TNS3: variants seen among roughly 807,000 people sequenced by gnomAD.
The protein encoded by TNS3 is tensin 3, also known as tensin-3.
Under a neutral mutation model 140.9 loss-of-function variants are expected in TNS3, and 45 were observed. That is an observed-to-expected ratio of 0.32 (90% confidence interval 0.25 to 0.41). The LOEUF is 0.41. TNS3 is among the 10% of genes least tolerant of loss of function. TNS3 has a pLI of 1.00. For missense variants in TNS3, 1,716 were observed against 1,906.7 expected (o/e 0.90, Z 1.86); for synonymous variants, 815 against 788.4 (o/e 1.03, Z -0.56).
intron 4 of TNS3, among the ~76,000 whole-genome samples, chr7:47,450,639 C>A (rs1221449648): frequency 6.6e-6 from 1 of 152,230 alleles, no homozygotes; most frequent in African/African-American, 2.4e-5. Flanking sequence ...GGGGCTCTGA[C>A]CACTGGCAGA....
intron 13 of TNS3, among the ~76,000 whole-genome samples, chr7:47,405,232 A>T (rs1224756908): frequency 1.3e-5 from 2 of 152,104 alleles, no homozygotes; most frequent in African/African-American, 4.8e-5. Flanking sequence ...TCATCCCCCA[A>T]TGCCAGCCGT....
intron 10 of TNS3, among the ~76,000 whole-genome samples, chr7:47,418,255 T>C (rs914609478): frequency 2.6e-5 from 4 of 152,122 alleles, no homozygotes; most frequent in Non-Finnish European, 5.9e-5. Flanking sequence ...GAGCCTAGAC[T>C]GCACCACTGC....
At chr7:47,308,178 A>T (rs189402151) in intron 20 of TNS3, among the ~76,000 whole-genome samples, 3 of 152,212 alleles carry the variant, frequency 2.0e-5, no homozygotes, top group Admixed American at 2.0e-4. Flanking sequence ...TGGATATTCA[A>T]TGGTACCACT....
At position 47,424,163 on chromosome 7, in the gene TNS3, C is replaced by A. The variant is rs1373323962; in HGVS notation, c.411G>T (p.Arg137Ser). The change falls in exon 10 of 31, where the codon AGG becomes AGT. Residue 137 changes from arginine to serine, a missense_variant. By Grantham distance (110) the Arg-to-Ser change is moderately radical (BLOSUM62 -1). Around this residue, in one of 3 missense-constraint regions of TNS3, gnomAD observed 337 missense variants for 428.9 expected, o/e 0.79. Coordinates refer to ENST00000311160, the MANE Select transcript of TNS3 (RefSeq NM_022748.12). Reference sequence around the variant, plus strand: ...CATCATAAAACTTCTTCATTGCAAACCTGTCAAGGGCCTGGTCGGCGCTGA... The same window carrying A: ...CATCATAAAACTTCTTCATTGCAAAACTGTCAAGGGCCTGGTCGGCGCTGA... Reference protein sequence around the residue: ...VSASADQALDRFAMKKFYDDK... With the variant: ...VSASADQALDSFAMKKFYDDK... 1.9e-6 allele frequency: 3 copies of A among 1,614,060 alleles called. No homozygotes were observed. The highest frequency in any genetic ancestry group is 1.1e-5 in the South Asian group (1 of 91,086).
At chr7:47,433,521 T>C (rs777927712) in intron 8 of TNS3, among the ~76,000 whole-genome samples, 3 of 152,210 alleles carry the variant, frequency 2.0e-5, no homozygotes, top group Admixed American at 6.5e-5. Context: ...CTAGGACCCA[T>C]ATGTTTTAAA....
At chr7:47,333,225 T>C (rs890282301) in intron 20 of TNS3, among the ~76,000 whole-genome samples, 1 of 152,212 alleles carries the variant, frequency 6.6e-6, no homozygotes, top group African/African-American at 2.4e-5. Context: ...AGCACTGATG[T>C]TTACTTTTAA....
At chr7:47,437,209 T>C in intron 7 of TNS3, 54 bp downstream of exon 7, 1 of 1,266,338 alleles carries the variant, frequency 7.9e-7, no homozygotes, top group Non-Finnish European at 1.1e-6. Context: ...TTGCACAAAA[T>C]AAGCATTGTT....
At chr7:47,289,216 G>C (rs1217436410) in intron 27 of TNS3, among the ~76,000 whole-genome samples, 1 of 152,204 alleles carries the variant, frequency 6.6e-6, no homozygotes, top group East Asian at 1.9e-4. Context: ...CCTTCATTGT[G>C]GAGTTACACC....
chr7:47,401,344 A>G (rs1214137316), intron 13 of TNS3, among the ~76,000 whole-genome samples: 2 of 152,176 alleles, frequency 1.3e-5, no homozygotes, highest in Non-Finnish European at 2.9e-5. Flanking sequence ...TTTGATCTCA[A>G]TGCTCCATGT....
chr7:47,511,938 T>C (rs1204831441), intron 2 of TNS3, among the ~76,000 whole-genome samples: 1 of 152,242 alleles, frequency 6.6e-6, no homozygotes, highest in Non-Finnish European at 1.5e-5. Context: ...GCCCCGTTAT[T>C]GGCTGCCACG....
chr7:47,574,143 T>C (rs748794300), intron 1 of TNS3, among the ~76,000 whole-genome samples: 4 of 152,196 alleles, frequency 2.6e-5, no homozygotes, highest in Non-Finnish European at 5.9e-5. Context: ...CTCTGGCATG[T>C]GGTTCCCAGA....
rs746261607 is a variant in TNS3 at position 47,302,252 on chromosome 7, C to T, written c.3478G>A (p.Val1160Met). 23 of 1,614,060 alleles carry T rather than the reference C, an allele frequency of 1.4e-5. No individual in the cohort carries two copies. The highest frequency in any genetic ancestry group is 1.9e-5 in the Non-Finnish European group (23 of 1,179,988). The change falls in exon 23 of 31, where the codon GTG becomes ATG. Residue 1160 changes from valine to methionine, a missense_variant. Physicochemically the swap from Val to Met is conservative, Grantham distance 21. Around this residue, in one of 3 missense-constraint regions of TNS3, gnomAD observed 1,163 missense variants for 1,182.1 expected, o/e 0.98. Transcript: ENST00000311160. Reference protein sequence around the residue: ...PLPDSPGDKLVIVKFVQDTSK... With the variant: ...PLPDSPGDKLMIVKFVQDTSK... ...GTGTCTTGAACAAATTTCACGATCA[C>T]AAGTTTATCACCTGGACTATCTGTA...
intron 2 of TNS3, among the ~76,000 whole-genome samples, chr7:47,523,068 CA>C: frequency 6.6e-6 from 1 of 152,154 alleles, no homozygotes; most frequent in South Asian, 2.1e-4. Context: ...TTATTTCTCA[CA>C]GCTCTGGAGG....
chr7:47,290,344 A>G (rs899131110), intron 27 of TNS3, among the ~76,000 whole-genome samples: 3 of 152,274 alleles, frequency 2.0e-5, no homozygotes, highest in Non-Finnish European at 4.4e-5. Flanking sequence ...CAATCCATAA[A>G]ACAGGAAATC....
intron 1 of TNS3, among the ~76,000 whole-genome samples, chr7:47,544,116 A>T (rs1799861368): frequency 6.6e-6 from 1 of 152,192 alleles, no homozygotes; most frequent in Non-Finnish European, 1.5e-5. Flanking sequence ...AAAGTGTTAA[A>T]TTAAGGTGGC....
chr7:47,438,468 G>T (rs1306247917), intron 6 of TNS3, among the ~76,000 whole-genome samples: 1 of 152,212 alleles, frequency 6.6e-6, no homozygotes, highest in African/African-American at 2.4e-5. Flanking sequence ...CACCGCCTCA[G>T]TGATGAAGGA....
intron 2 of TNS3, among the ~76,000 whole-genome samples, chr7:47,525,005 T>A (rs1204907114): frequency 6.6e-6 from 1 of 152,054 alleles, no homozygotes; most frequent in Non-Finnish European, 1.5e-5. Context: ...CATGGCTGTT[T>A]TTTCCCTTGT....
chr7:47,530,662 A>G (rs1380603147), intron 1 of TNS3, among the ~76,000 whole-genome samples: 1 of 150,744 alleles, frequency 6.6e-6, no homozygotes, highest in Non-Finnish European at 1.5e-5. Context: ...CGTGTCTACT[A>G]AAAATACAAA....
chr7:47,438,854 G>A (rs975971451), intron 6 of TNS3, among the ~76,000 whole-genome samples: 1 of 152,126 alleles, frequency 6.6e-6, no homozygotes, highest in African/African-American at 2.4e-5. Flanking sequence ...TAGAGAGAGG[G>A]TGCCAGGGAG....
Sources: allele counts gnomAD v4.1 joint callset (sites outside exome capture counted in the v4.1 genomes callset), GRCh38; gene constraint gnomAD v4.1.1; regional missense constraint gnomAD v4.1.1; transcripts MANE v1.5; gene names NCBI Gene and HGNC (gene_info 2026-07-23, HGNC 2026-07-21).